Variants in GTF2H3 observed in about 807,000 individuals in gnomAD.
GTF2H3 encodes the protein TFIIH basal transcription factor complex p34 subunit.
GTF2H3 carries 42 observed loss-of-function variants against 51.1 expected under a neutral mutation model. The observed-to-expected ratio is 0.82, with a 90% CI of 0.64 to 1.06. The LOEUF is 1.06. Among genes scored for constraint, GTF2H3 ranks in the 50% least tolerant of loss-of-function variants. GTF2H3 has a pLI of 0.00. For synonymous variants in GTF2H3, 123 were observed against 123.8 expected, an observed-to-expected ratio of 0.99 and a Z score of 0.04; for missense variants, 326 against 366.1, an observed-to-expected ratio of 0.89 and a Z score of 0.89.
At chr12:123,654,066 A>G (rs940777946) in intron 7 of GTF2H3, among the ~76,000 whole-genome samples, 1 of 152,152 alleles carries the variant, frequency 6.6e-6, no homozygotes, top group East Asian at 1.9e-4. Flanking sequence ...AGGTTGCAGA[A>G]TGCTAAGTAA....
intron 2 of GTF2H3, among the ~76,000 whole-genome samples, chr12:123,644,617 G>T (rs997518903): frequency 4.6e-5 from 7 of 150,910 alleles, no homozygotes; most frequent in African/African-American, 1.7e-4. Context: ...AGTGAGCCGA[G>T]ATCAGGCCAC....
chr12:123,635,209 A>G (rs1376558474), intron 1 of GTF2H3, among the ~76,000 whole-genome samples: 1 of 152,160 alleles, frequency 6.6e-6, no homozygotes, highest in East Asian at 1.9e-4. Context: ...CAGTTGTATT[A>G]AGTGCTTCTG....
intron 2 of GTF2H3, among the ~76,000 whole-genome samples, chr12:123,644,351 T>A (rs1326896098): frequency 6.6e-6 from 1 of 152,158 alleles, no homozygotes; most frequent in Non-Finnish European, 1.5e-5. Flanking sequence ...GAAGGGATAT[T>A]CTTTATTTGT....
intron 4 of GTF2H3, chr12:123,649,678 T>A (rs2135790596): frequency 6.6e-6 from 1 of 152,252 alleles, no homozygotes; most frequent in Non-Finnish European, 1.5e-5. Flanking sequence ...CAGAATCACC[T>A]GGGGGAAAAG....
At chr12:123,634,857 G>A (rs1043067893) in intron 1 of GTF2H3, among the ~76,000 whole-genome samples, 60 of 152,292 alleles carry the variant, frequency 3.9e-4, no homozygotes, top group African/African-American at 1.3e-3. Context: ...TAGAGAAGTT[G>A]GCCTTTATTT....
chr12:123,638,311 A>G (rs537834603), intron 1 of GTF2H3, among the ~76,000 whole-genome samples: 88 of 150,156 alleles, frequency 5.9e-4, no homozygotes, highest in Non-Finnish European at 8.9e-4. Context: ...GGTGCTTGCC[A>G]CCAAACCCAG....
At chr12:123,643,653 A>T (rs993566854) in intron 2 of GTF2H3, among the ~76,000 whole-genome samples, 14 of 152,126 alleles carry the variant, frequency 9.2e-5, no homozygotes, top group Non-Finnish European at 2.1e-4. Context: ...GTTTTTTTTA[A>T]ATTAATGATT....
chr12:123,636,868 G>A (rs530622029), intron 1 of GTF2H3, among the ~76,000 whole-genome samples: 31 of 152,106 alleles, frequency 2.0e-4, no homozygotes, highest in Non-Finnish European at 3.8e-4. Context: ...GGTGAGCCGA[G>A]ATCGCGCCAT....
chr12:123,654,192 GTT>G (rs1378178076), intron 7 of GTF2H3, among the ~76,000 whole-genome samples: 1 of 145,154 alleles, frequency 6.9e-6, no homozygotes, highest in African/African-American at 2.6e-5. Flanking sequence ...TTTGGGGTGT[GTT>G]TGTGTGTTTT....
At chr12:123,640,337 CTT>C (rs71088940) in intron 2 of GTF2H3, among the ~76,000 whole-genome samples, 11 of 130,788 alleles carry the variant, frequency 8.4e-5, no homozygotes, top group African/African-American at 1.2e-4. Context: ...TTTTTGTGGC[CTT>C]TTTTTTTTTT....
intron 4 of GTF2H3, among the ~76,000 whole-genome samples, chr12:123,650,667 C>T (rs760984795): frequency 1.3e-5 from 2 of 152,116 alleles, no homozygotes; most frequent in African/African-American, 2.4e-5. Flanking sequence ...CAATCATCAC[C>T]GCCATCCATC....
intron 3 of GTF2H3, among the ~76,000 whole-genome samples, chr12:123,646,449 A>G (rs1955448298): frequency 6.6e-6 from 1 of 151,914 alleles, no homozygotes; most frequent in South Asian, 2.1e-4. Flanking sequence ...TTTTGTAGAG[A>G]TGGGGTCTCA....
At chr12:123,655,891 T>C in intron 9 of GTF2H3, 67 bp downstream of exon 9, 1 of 991,958 alleles carries the variant, frequency 1.0e-6, no homozygotes, top group African/African-American at 1.6e-5. Context: ...TTGATTACAA[T>C]TTAAAATGAA....
intron 4 of GTF2H3, 52 bp downstream of exon 4, chr12:123,648,178 C>A: frequency 8.1e-7 from 1 of 1,230,500 alleles, no homozygotes; most frequent in South Asian, 1.4e-5. Flanking sequence ...TTTTGGAGGT[C>A]CTTTAGGCTT....
chr12:123,655,579 G>A (rs546011556), intron 8 of GTF2H3, 192 bp from the exon 9 acceptor site: 2 of 487,604 alleles, frequency 4.1e-6, no homozygotes, highest in African/African-American at 2.0e-5. Context: ...TTTCTCACCC[G>A]CTGGCTCTGT....
chr12:123,640,561 C>G (rs980207184), intron 2 of GTF2H3, among the ~76,000 whole-genome samples: 1 of 152,076 alleles, frequency 6.6e-6, no homozygotes, highest in African/African-American at 2.4e-5. Context: ...TGATCTCGAA[C>G]TCCTAAACTC....
At chr12:123,642,279 T>G (rs1428232053) in intron 2 of GTF2H3, among the ~76,000 whole-genome samples, 2 of 151,980 alleles carry the variant, frequency 1.3e-5, no homozygotes, top group Non-Finnish European at 2.9e-5. Flanking sequence ...CAAGCAATTC[T>G]CCTGCCTCAG....
At chr12:123,650,972 T>C (rs1370450361) in intron 4 of GTF2H3, 22 bp from the exon 5 acceptor site, 3 of 1,582,008 alleles carry the variant, frequency 1.9e-6, no homozygotes, top group Non-Finnish European at 2.6e-6. Flanking sequence ...AATTCCCTTT[T>C]AATGTTTTCT....
At chr12:123,643,343 C>T (rs145472754) in intron 2 of GTF2H3, among the ~76,000 whole-genome samples, 7 of 152,300 alleles carry the variant, frequency 4.6e-5, no homozygotes, top group East Asian at 1.9e-4. Context: ...CAGTAATATT[C>T]GTATGTACTT....
Sources: gnomAD v4.1 joint callset for allele counts (sites outside exome capture counted in the v4.1 genomes callset) on GRCh38, gnomAD v4.1.1 for gene constraint, MANE v1.5 for transcripts, NCBI Gene and HGNC (gene_info 2026-07-23, HGNC 2026-07-21) for gene names.